Variants in SGMS2 observed in about 807,000 individuals in gnomAD.
SGMS2 encodes the protein sphingomyelin synthase 2.
A neutral mutation model predicts 43.8 loss-of-function variants in SGMS2; 21 were observed. That is an observed-to-expected ratio of 0.48 (90% CI 0.34 to 0.69). The LOEUF (loss-of-function observed/expected upper bound fraction) is 0.69, where lower values mean the gene tolerates loss of function less well. Ranked by LOEUF, SGMS2 falls within the 30% of genes least tolerant of loss-of-function variation. SGMS2 has a pLI of 0.01. For missense variants in SGMS2, 384 were observed against 443.2 expected (o/e 0.87, Z 1.20); for synonymous variants, 167 against 160.6 (o/e 1.04, Z -0.30).
chr4:107,880,578 G>A (rs573123413), intron 2 of SGMS2, among the ~76,000 whole-genome samples: 6 of 152,004 alleles, frequency 3.9e-5, no homozygotes, highest in South Asian at 2.1e-4. Context: ...AAAGCTGGCC[G>A]GGTGCGATGG....
intron 2 of SGMS2, among the ~76,000 whole-genome samples, chr4:107,884,615 C>G (rs1159214899): frequency 6.6e-6 from 1 of 152,232 alleles, no homozygotes; most frequent in Admixed American, 6.5e-5. Context: ...CACACATCTG[C>G]TCACTGAGAT....
rs546559091 is a variant in SGMS2, at chr4:107,910,389, G to A, written c.934G>A (p.Ala312Thr). 3.1e-6 allele frequency: 5 copies of A among 1,613,926 alleles called. No individual in the cohort carries two copies. Among genetic ancestry groups the A allele is most frequent in the Non-Finnish European group, 4.2e-6 (5 of 1,179,996 alleles). The change falls in exon 7 of 7, where the codon GCA becomes ACA. Residue 312 changes from alanine to threonine, a missense_variant. Physicochemically the swap from Ala to Thr is moderately conservative, Grantham distance 58. Transcript: ENST00000690982. Reference protein sequence around the residue: ...VSSQTNFLSRAWWFPIFYFFE... With the variant: ...VSSQTNFLSRTWWFPIFYFFE... ...TTCACAGACTAATTTCTTATCTCGA[G>A]CATGGTGGTTCCCCATCTTTTATTT...
chr4:107,905,224 G>A (rs1731456632), intron 5 of SGMS2, among the ~76,000 whole-genome samples: 1 of 152,130 alleles, frequency 6.6e-6, no homozygotes, highest in Non-Finnish European at 1.5e-5. Flanking sequence ...AAGGCAAAAG[G>A]CATGTTTTAC....
intron 2 of SGMS2, chr4:107,893,665 T>C (rs1730429907): frequency 6.6e-6 from 1 of 152,186 alleles, no homozygotes; most frequent in Admixed American, 6.6e-5. Flanking sequence ...AAAGGTGAGA[T>C]GTTTATAATT....
At chr4:107,887,462 C>T (rs1729849599) in intron 2 of SGMS2, among the ~76,000 whole-genome samples, 1 of 152,104 alleles carries the variant, frequency 6.6e-6, no homozygotes, top group African/African-American at 2.4e-5. Context: ...AGAACACATA[C>T]CAATAGCATA....
intron 2 of SGMS2, among the ~76,000 whole-genome samples, chr4:107,885,219 T>G (rs1273153605): frequency 1.5e-5 from 2 of 137,182 alleles, no homozygotes; most frequent in African/African-American, 5.9e-5. Context: ...CTGCTAGTGT[T>G]TTGTTACATT....
intron 1 of SGMS2, among the ~76,000 whole-genome samples, chr4:107,849,067 T>C (rs560572713): frequency 6.6e-6 from 1 of 152,296 alleles, no homozygotes; most frequent in African/African-American, 2.4e-5. Flanking sequence ...GCACAATTCG[T>C]TGAGAAGACT....
chr4:107,861,272 A>G (rs1167983140), intron 2 of SGMS2, among the ~76,000 whole-genome samples: 3 of 152,178 alleles, frequency 2.0e-5, no homozygotes, highest in East Asian at 1.9e-4. Context: ...TGTTACTGCA[A>G]TTTATATTAA....
chr4:107,907,690 A>G (rs1009596564), intron 5 of SGMS2, among the ~76,000 whole-genome samples: 1 of 152,254 alleles, frequency 6.6e-6, no homozygotes, highest in African/African-American at 2.4e-5. Flanking sequence ...GTGAATGTAA[A>G]TATCACTATA....
chr4:107,895,550 G>C lies in SGMS2; in HGVS notation c.-4G>C. On this transcript the variant is annotated 5_prime_UTR_variant, in exon 3 of 7. Transcript: ENST00000690982. ...CTCCTTTTTGATCTGAAGACTAGGG[G>C]ACAATGGATATCATAGAGACAGCAA... 6.2e-7 allele frequency: 1 copy of C among 1,610,930 alleles called. No homozygotes were observed. Among genetic ancestry groups the C allele is most frequent in the Non-Finnish European group, 8.5e-7 (1 of 1,178,160 alleles).
intron 6 of SGMS2, 105 bp from the exon 7 acceptor site, chr4:107,910,245 G>T: frequency 1.1e-6 from 1 of 952,210 alleles, no homozygotes. Context: ...ATGTGATTCT[G>T]AATTCTGTTT....
At chr4:107,860,163 A>G (rs959867334) in intron 2 of SGMS2, among the ~76,000 whole-genome samples, 6 of 152,042 alleles carry the variant, frequency 3.9e-5, no homozygotes, top group African/African-American at 9.7e-5. Context: ...TGCCCTCTTC[A>G]TAATGTAAAA....
Position 107,854,391 on chromosome 4 carries a change from A to C in SGMS2, c.-326-4081A>C, listed in dbSNP as rs1275705321. Among the ~76,000 whole-genome samples, 33 of 152,206 alleles carry C rather than the reference A, an allele frequency of 2.2e-4. 1 individual carries two copies. The highest frequency in any genetic ancestry group is 2.2e-3 in the Admixed American group (33 of 15,274). ...GTAATTCATAAAAGTTCTGTGTTTA[A>C]CTGTTAGGTGGAGCCTGAGATGACT... is the stretch of plus-strand genomic sequence containing the variant. On this transcript the variant is annotated intron_variant, in intron 1 of 6. Transcript: ENST00000690982.
At chr4:107,896,617 A>T (rs1385748025) in intron 3 of SGMS2, among the ~76,000 whole-genome samples, 1 of 152,106 alleles carries the variant, frequency 6.6e-6, no homozygotes, top group Non-Finnish European at 1.5e-5. Context: ...TGATTTTTAG[A>T]TTTCTAAAGT....
intron 1 of SGMS2, among the ~76,000 whole-genome samples, chr4:107,850,597 G>T (rs1454744321): frequency 6.6e-6 from 1 of 152,154 alleles, no homozygotes; most frequent in Admixed American, 6.5e-5. Flanking sequence ...AAGAAGAGAG[G>T]TGTGATCACT....
intron 2 of SGMS2, among the ~76,000 whole-genome samples, chr4:107,861,100 T>C (rs989121615): frequency 1.3e-5 from 2 of 152,224 alleles, no homozygotes; most frequent in African/African-American, 2.4e-5. Flanking sequence ...ACATATCTAA[T>C]GAAGTTTAAA....
intron 2 of SGMS2, among the ~76,000 whole-genome samples, chr4:107,886,364 A>ATTTTTTTTT (rs67228519): frequency 1.9e-5 from 2 of 106,268 alleles, no homozygotes; most frequent in Non-Finnish European, 3.7e-5. Context: ...CACCCAGCTA[A>ATTTTTTTTT]TTTTTTTTTT....
intron 2 of SGMS2, among the ~76,000 whole-genome samples, chr4:107,875,461 C>T (rs924502791): frequency 2.0e-5 from 3 of 152,098 alleles, no homozygotes; most frequent in African/African-American, 7.2e-5. Flanking sequence ...ATATTGAGAA[C>T]ACATGGACAC....
chr4:107,907,909 A>G, intron 5 of SGMS2: 1 of 152,252 alleles, frequency 6.6e-6, no homozygotes, highest in Non-Finnish European at 1.5e-5. Flanking sequence ...ACAGCTAGTA[A>G]GTAGAATGAA....
Sources: gnomAD v4.1 joint callset for allele counts (sites outside exome capture counted in the v4.1 genomes callset) on GRCh38, gnomAD v4.1.1 for gene constraint, MANE v1.5 for transcripts, NCBI Gene and HGNC (gene_info 2026-07-23, HGNC 2026-07-21) for gene names.